The following DOCK10 variants were observed in gnomAD, a reference collection of about 807,000 sequenced individuals.
DOCK10 encodes dedicator of cytokinesis protein 10.
In DOCK10, 145 loss-of-function variants were observed where a neutral mutation model predicts 280.1. The observed-to-expected ratio is 0.52, with a 90% confidence interval of 0.45 to 0.59. The LOEUF is 0.59. DOCK10 is among the 20% of genes least tolerant of loss of function. DOCK10 has a pLI of 0.00. For synonymous variants in DOCK10, 915 were observed against 942.2 expected (o/e 0.97, Z 0.53); for missense variants, 2,368 against 2,651.7 (o/e 0.89, Z 2.35).
At position 224,864,936 on chromosome 2, in the gene DOCK10, A is replaced by G; in HGVS notation, c.1409T>C (p.Ile470Thr). 6.2e-7 allele frequency: 1 copy of G among 1,613,906 alleles called. No homozygotes were observed. Among genetic ancestry groups the G allele is most frequent in the Non-Finnish European group, 8.5e-7 (1 of 1,179,888 alleles). The change falls in exon 12 of 56, where the codon ATC becomes ACC. Residue 470 changes from isoleucine to threonine, a missense_variant. Ile to Thr is a moderately conservative substitution (Grantham distance 89). Transcript: ENST00000258390. ...VALENGNIDT[I>T]TPRQSEEPHI... ...AGGTTCTTCTGATTGTCTTGGAGTG[A>G]TGGTGTCGATGTTGCCATTTTCCAA...
Position 224,914,810 on chromosome 2 carries a change from T to C in DOCK10, c.333+1885A>G, listed in dbSNP as rs554624921. ...TAAGATAAAAATCAAAGAAACAATA[T>C]ACTTATTAGAAAAGAAGAAAATTTT... On this transcript the variant is annotated intron_variant, in intron 3 of 55. Transcript: ENST00000258390. 2.0e-3 allele frequency among the ~76,000 whole-genome samples: 310 copies of C among 152,242 alleles called. 1 individual carries two copies. Among genetic ancestry groups the C allele is most frequent in the African/African-American group, 6.6e-3 (276 of 41,554 alleles).
At chr2:224,846,368 G>A (rs1279184032) in intron 19 of DOCK10, among the ~76,000 whole-genome samples, 2 of 152,172 alleles carry the variant, frequency 1.3e-5, no homozygotes, top group East Asian at 3.8e-4. Flanking sequence ...GGGACCAGTT[G>A]CATAAGCATC....
At chr2:224,988,476 C>T (rs1279592432) in intron 1 of DOCK10, among the ~76,000 whole-genome samples, 1 of 152,182 alleles carries the variant, frequency 6.6e-6, no homozygotes, top group African/African-American at 2.4e-5. Flanking sequence ...TACATGTACA[C>T]CTCCCTCTAT....
intron 14 of DOCK10, 87 bp downstream of exon 14, chr2:224,862,577 T>C (rs1446565969): frequency 2.9e-6 from 3 of 1,029,234 alleles, no homozygotes; most frequent in Middle Eastern, 2.0e-4. Flanking sequence ...TTAAAAATAA[T>C]AGGCAACACA....
At chr2:224,944,458 TACACA>T (rs1201780551) in intron 1 of DOCK10, among the ~76,000 whole-genome samples, 23 of 152,332 alleles carry the variant, frequency 1.5e-4, no homozygotes, top group African/African-American at 5.1e-4. Context: ...CTGTTCAAGT[TACACA>T]ACACAACACT....
intron 1 of DOCK10, among the ~76,000 whole-genome samples, chr2:224,964,977 A>G (rs1220220753): frequency 6.6e-6 from 1 of 152,232 alleles, no homozygotes; most frequent in Non-Finnish European, 1.5e-5. Flanking sequence ...CGCAGCAAAC[A>G]TACTTCTCTT....
intron 4 of DOCK10, among the ~76,000 whole-genome samples, chr2:224,890,968 G>A (rs1306293956): frequency 6.6e-6 from 1 of 152,140 alleles, no homozygotes; most frequent in Non-Finnish European, 1.5e-5. Flanking sequence ...TGTATTTAAA[G>A]GCGTGCATTC....
chr2:225,016,806 G>A (rs576004475), intron 1 of DOCK10, among the ~76,000 whole-genome samples: 23 of 151,658 alleles, frequency 1.5e-4, no homozygotes, highest in African/African-American at 5.1e-4. Flanking sequence ...GTGTTCAAGC[G>A]ATTCTCTTGC....
intron 1 of DOCK10, among the ~76,000 whole-genome samples, chr2:224,950,649 AT>A (rs1703678390): frequency 6.6e-6 from 1 of 152,232 alleles, no homozygotes; most frequent in African/African-American, 2.4e-5. Flanking sequence ...TGCAATGCTG[AT>A]TTAGACATGT....
At chr2:224,981,891 C>G (rs1373699291) in intron 1 of DOCK10, among the ~76,000 whole-genome samples, 1 of 152,200 alleles carries the variant, frequency 6.6e-6, no homozygotes, top group East Asian at 1.9e-4. Context: ...ATAAAATCCA[C>G]TCACTTAAAC....
chr2:224,809,522 C>T (rs2125241946), intron 31 of DOCK10, among the ~76,000 whole-genome samples: 1 of 152,022 alleles, frequency 6.6e-6, no homozygotes, highest in Non-Finnish European at 1.5e-5. Flanking sequence ...ACAAAAACAA[C>T]CCGCCAAGTT....
intron 4 of DOCK10, among the ~76,000 whole-genome samples, chr2:224,887,447 G>A: frequency 6.6e-6 from 1 of 151,264 alleles, no homozygotes; most frequent in Non-Finnish European, 1.5e-5. Flanking sequence ...TCTCCGACCA[G>A]CTCAGAGAAA....
At chr2:224,898,565 G>A (rs1034077574) in intron 3 of DOCK10, among the ~76,000 whole-genome samples, 2 of 152,178 alleles carry the variant, frequency 1.3e-5, no homozygotes, top group African/African-American at 4.8e-5. Context: ...CGTGTTTCTG[G>A]AAATAAGAGG....
chr2:224,896,182 T>C, intron 4 of DOCK10, 113 bp downstream of exon 4: 1 of 572,146 alleles, frequency 1.7e-6, no homozygotes, highest in Non-Finnish European at 2.9e-6. Flanking sequence ...TTTTGGAAAA[T>C]GTGCCTTGAC....
rs140319504 is a variant in DOCK10, at chr2:224,795,130, T to A, written c.4939-36A>T. On this transcript the variant is annotated intron_variant, in intron 44 of 55. Transcript: ENST00000258390. Reference sequence around the variant, plus strand: ...GAGAGAGCCTGGGTCATTATCTGTTTAGAATCTATAGGTTAACTGACTTTA... The same window carrying A: ...GAGAGAGCCTGGGTCATTATCTGTTAAGAATCTATAGGTTAACTGACTTTA... 1.1e-3 allele frequency: 1,803 copies of A among 1,581,342 alleles called. 18 individuals carry two copies. In the African/African-American group the frequency reaches 0.02, roughly 18 times the overall value.
At chr2:224,838,734 T>C (rs1695751226) in intron 24 of DOCK10, among the ~76,000 whole-genome samples, 1 of 152,196 alleles carries the variant, frequency 6.6e-6, no homozygotes, top group Non-Finnish European at 1.5e-5. Flanking sequence ...CAGAATGCTA[T>C]GACTAAATTT....
rs1559449199 is a variant in DOCK10 at position 224,805,173 on chromosome 2, C to T, written c.4051+33G>A. On this transcript the variant is annotated intron_variant, in intron 36 of 55. Transcript: ENST00000258390. This position sits in a 1 kb window ranked among gnomAD's most constrained non-coding sequence, Gnocchi z 4.3. ...TGAGAATCTGAAGGTTTTCTTTTTC[C>T]TTTTTTCAAAAAAATTAAAGAATTC... 3 of 1,599,516 alleles carry T rather than the reference C, an allele frequency of 1.9e-6. No individual in the cohort carries two copies. The highest frequency in any genetic ancestry group is 1.8e-5 in the Admixed American group (1 of 56,234).
At position 224,787,144 on chromosome 2, in the gene DOCK10, A is replaced by G. The variant is rs564387096; in HGVS notation, c.5542-9T>C. 8 of 1,611,536 alleles carry G rather than the reference A, an allele frequency of 5.0e-6. No homozygotes were observed. The highest frequency in any genetic ancestry group is 3.3e-5 in the South Asian group (3 of 91,040). On this transcript the variant is annotated splice_polypyrimidine_tract_variant and intron_variant, in intron 49 of 55. Transcript: ENST00000258390. Reference sequence around the variant, plus strand: ...TAGAGATCTGACAATTTCTGAAACCATAAGTGAAAGAGTTTCATGAAGATG... The same window carrying G: ...TAGAGATCTGACAATTTCTGAAACCGTAAGTGAAAGAGTTTCATGAAGATG...
At chr2:225,026,678 A>G (rs537727417) in intron 1 of DOCK10, among the ~76,000 whole-genome samples, 1 of 152,282 alleles carries the variant, frequency 6.6e-6, no homozygotes, top group Non-Finnish European at 1.5e-5. Flanking sequence ...TTGAGTTTGA[A>G]GTAATTGAGG....
Sources: allele counts gnomAD v4.1 joint callset (sites outside exome capture counted in the v4.1 genomes callset), GRCh38; gene constraint gnomAD v4.1.1; non-coding constraint Gnocchi (gnomAD v3.1); transcripts MANE v1.5; gene names NCBI Gene and HGNC (gene_info 2026-07-23, HGNC 2026-07-21).